The following PIGU variants were observed in gnomAD, a reference collection of about 807,000 sequenced individuals.
PIGU encodes the protein phosphatidylinositol glycan anchor biosynthesis class U.
In PIGU, 24 loss-of-function variants were observed where a neutral mutation model predicts 49.9. The ratio of observed to expected loss-of-function variants is 0.48; its 90% CI spans 0.35 to 0.68. The LOEUF (loss-of-function observed/expected upper bound fraction) is 0.68, where lower values mean the gene tolerates loss of function less well. Among genes scored for constraint, PIGU ranks in the 30% least tolerant of loss-of-function variants. PIGU has a pLI of 0.01. For synonymous variants in PIGU, 220 were observed against 205.7 expected (o/e 1.07, Z -0.59); for missense variants, 490 against 532.6 (o/e 0.92, Z 0.79).
intron 11 of PIGU, 129 bp downstream of exon 11, chr20:34,574,975 T>G: frequency 7.9e-7 from 1 of 1,262,732 alleles, no homozygotes; most frequent in Non-Finnish European, 1.1e-6. Flanking sequence ...GGGAGCTACT[T>G]GAGGGGAGTA....
At chr20:34,631,029 T>TA (rs542863507) in intron 6 of PIGU, among the ~76,000 whole-genome samples, 2,903 of 149,154 alleles carry the variant, frequency 0.019, 108 homozygotes, top group African/African-American at 0.069. Flanking sequence ...AACAAACAAT[T>TA]AAAAAAAAAT....
intron 1 of PIGU, among the ~76,000 whole-genome samples, chr20:34,676,637 T>C (rs1987509630): frequency 6.6e-6 from 1 of 151,820 alleles, no homozygotes; most frequent in Non-Finnish European, 1.5e-5. Flanking sequence ...AAGCACCTCC[T>C]CCTCTTATTC....
intron 11 of PIGU, among the ~76,000 whole-genome samples, chr20:34,574,466 AAC>A (rs1403787222): frequency 6.6e-6 from 1 of 152,116 alleles, no homozygotes. Flanking sequence ...TGCTCTGTGG[AAC>A]AGAGGGACAG....
intron 6 of PIGU, among the ~76,000 whole-genome samples, chr20:34,620,538 G>A (rs188544400): frequency 1.1e-4 from 16 of 152,248 alleles, no homozygotes; most frequent in Admixed American, 3.3e-4. Flanking sequence ...TTGGACAGGC[G>A]CGGTGGCTCA....
intron 2 of PIGU, among the ~76,000 whole-genome samples, chr20:34,647,627 G>C (rs181633004): frequency 6.6e-6 from 1 of 151,414 alleles, no homozygotes; most frequent in Non-Finnish European, 1.5e-5. Flanking sequence ...GGCTGGTCTC[G>C]ATCTCCTGAC....
chr20:34,593,826 CT>C (rs1308814382), intron 7 of PIGU, among the ~76,000 whole-genome samples: 1 of 152,232 alleles, frequency 6.6e-6, no homozygotes, highest in African/African-American at 2.4e-5. Context: ...AAAAGCTCAA[CT>C]GTGATTGTGC....
Position 34,583,687 on chromosome 20 carries a change from G to A in PIGU, c.926+1750C>T, listed in dbSNP as rs532998905. On this transcript the variant is annotated intron_variant, in intron 9 of 11. Transcript: ENST00000217446. ...CTTCACCCCATGGCTGGGCCTAACCGGAACAAGGACAGGGAAGGTGGACCA... is the reference window on the plus strand; with the variant it reads ...CTTCACCCCATGGCTGGGCCTAACCAGAACAAGGACAGGGAAGGTGGACCA... Among the ~76,000 whole-genome samples, 73 of 152,326 alleles carry A rather than the reference G, an allele frequency of 4.8e-4. 1 individual carries two copies. The highest frequency in any genetic ancestry group is 1.7e-3 in the African/African-American group (71 of 41,566).
chr20:34,613,446 A>G (rs768353741), intron 7 of PIGU, among the ~76,000 whole-genome samples: 3 of 152,196 alleles, frequency 2.0e-5, no homozygotes, highest in Non-Finnish European at 4.4e-5. Context: ...TTAGTTTTAA[A>G]CAAAAGTTGT....
At position 34,565,158 on chromosome 20, in the gene PIGU, C is replaced by T. The variant is rs1026817128; in HGVS notation, c.1195-4179G>A. Among the ~76,000 whole-genome samples, 11 of 152,182 alleles carry T rather than the reference C, an allele frequency of 7.2e-5. No homozygotes were observed. The South Asian group carries it at 1.0e-3, about 14-fold the overall frequency. On this transcript the variant is annotated intron_variant, in intron 11 of 11. Coordinates refer to ENST00000217446, the MANE Select transcript of PIGU (RefSeq NM_080476.5). ...TGTGGAATTTGCATGGGCGAGTCAG[C>T]GGCTGTGTGATATTAAGTCTCTTCC...
intron 11 of PIGU, among the ~76,000 whole-genome samples, chr20:34,574,600 C>T (rs1983145568): frequency 6.6e-6 from 1 of 152,138 alleles, no homozygotes; most frequent in Non-Finnish European, 1.5e-5. Flanking sequence ...CCAGACCGGC[C>T]CCCTTCTCCT....
At position 34,676,994 on chromosome 20, in the gene PIGU, C is replaced by G; in HGVS notation, c.92G>C (p.Arg31Pro). The change falls in exon 1 of 12, where the codon CGG becomes CCG. Residue 31 changes from arginine to proline, a missense_variant. Transcript: ENST00000217446. ...GCTCAGTGGGGACACCACCTCCACC[C>G]GCTCGGAAATGAACTCGGCCAGACT... ...RSSLAEFISE[R>P]VEVVSPLSSW... 6.3e-7 allele frequency: 1 copy of G among 1,582,680 alleles called. No homozygotes were observed. The highest frequency in any genetic ancestry group is 8.6e-7 in the Non-Finnish European group (1 of 1,165,380).
At position 34,659,065 on chromosome 20, in the gene PIGU, G is replaced by A. The variant is rs1159922697; in HGVS notation, c.131-1821C>T. Among the ~76,000 whole-genome samples the A allele has an allele frequency of 7.1e-3, 1,022 of 143,778 alleles. 18 individuals carry two copies. Among genetic ancestry groups the A allele is most frequent in the African/African-American group, 0.025 (975 of 38,700 alleles). 94.3% of individuals were successfully genotyped at this position (143,778 alleles called of 152,430 possible). ...CTCTGCCCGGCCAGCTGCCCCGTCC[G>A]GGAGGGAGGTGGGGGGGTCAGCCCC... On this transcript the variant is annotated intron_variant, in intron 1 of 11. Transcript: ENST00000217446.
rs754943701 is a variant in PIGU, at chr20:34,575,112, C to T, written c.1186G>A (p.Val396Ile). 2.4e-5 allele frequency: 38 copies of T among 1,613,934 alleles called. No individual in the cohort carries two copies. Among genetic ancestry groups the T allele is most frequent in the East Asian group, 1.1e-4 (5 of 44,888 alleles). Residue 396 changes from valine to isoleucine, a missense_variant, in exon 11 of 12, where the codon GTT becomes ATT. Physicochemically the swap from Val to Ile is conservative, Grantham distance 29. Transcript: ENST00000217446. ...CATGCTGTCCCTCTTACCTGCCCAA[C>T]GTTGAAGGTCAGTGTGATGGCATAA... ...FFYAITLTFN[V>I]GQILLISDYF...
intron 11 of PIGU, among the ~76,000 whole-genome samples, chr20:34,574,207 G>A (rs1241094577): frequency 1.3e-5 from 2 of 152,182 alleles, no homozygotes; most frequent in Non-Finnish European, 2.9e-5. Context: ...AAGAAGCGTG[G>A]GTGAGTCCAC....
At chr20:34,646,811 A>C (rs1429402250) in intron 2 of PIGU, among the ~76,000 whole-genome samples, 1 of 152,006 alleles carries the variant, frequency 6.6e-6, no homozygotes, top group Non-Finnish European at 1.5e-5. Flanking sequence ...CCAAATACTT[A>C]GGAGTTTTCT....
intron 11 of PIGU, 84 bp downstream of exon 11, chr20:34,575,020 G>A (rs1194996120): frequency 6.5e-7 from 1 of 1,541,810 alleles, no homozygotes; most frequent in Non-Finnish European, 8.9e-7. Context: ...CCCCCGGTAT[G>A]CAGAATCCAA....
intron 7 of PIGU, among the ~76,000 whole-genome samples, chr20:34,589,294 TAAAC>T (rs1422166544): frequency 2.6e-5 from 4 of 152,074 alleles, no homozygotes; most frequent in South Asian, 4.1e-4. Context: ...TGAAAAGAAA[TAAAC>T]AAGTAAAAAA....
intron 2 of PIGU, among the ~76,000 whole-genome samples, chr20:34,652,591 T>G (rs1246891340): frequency 3.9e-5 from 6 of 152,302 alleles, no homozygotes; most frequent in African/African-American, 1.4e-4. Flanking sequence ...ATATAAGCAT[T>G]TGGTGCTATA....
At chr20:34,624,542 T>A (rs570836844) in intron 6 of PIGU, among the ~76,000 whole-genome samples, 1 of 152,340 alleles carries the variant, frequency 6.6e-6, no homozygotes, top group East Asian at 1.9e-4. Context: ...GAAGAACCCT[T>A]AGGTGGCAAA....
Sources: gnomAD v4.1 joint callset for allele counts (sites outside exome capture counted in the v4.1 genomes callset) on GRCh38, gnomAD v4.1.1 for gene constraint, MANE v1.5 for transcripts, NCBI Gene and HGNC (gene_info 2026-07-23, HGNC 2026-07-21) for gene names.